CREB1: variants seen among roughly 807,000 people sequenced by gnomAD.
CREB1 encodes the protein cyclic AMP-responsive element-binding protein 1.
CREB1 carries 2 observed loss-of-function variants against 42.0 expected under a neutral mutation model. The observed-to-expected ratio is 0.05, with a 90% CI of 0.02 to 0.15. The LOEUF (loss-of-function observed/expected upper bound fraction) is 0.15. CREB1 is among the 10% of genes least tolerant of loss of function. CREB1 has a pLI of 1.00. For missense variants in CREB1, 199 were observed against 388.9 expected (o/e 0.51, Z 4.11); for synonymous variants, 123 against 139.9 (o/e 0.88, Z 0.85).
intron 1 of CREB1, among the ~76,000 whole-genome samples, chr2:207,537,961 T>A (rs2080942473): frequency 6.6e-6 from 1 of 152,214 alleles, no homozygotes; most frequent in Non-Finnish European, 1.5e-5. Context: ...ATCTTGGGGA[T>A]GGGACCCAAG....
At chr2:207,541,144 C>G (rs2081084166) in intron 1 of CREB1, among the ~76,000 whole-genome samples, 1 of 151,844 alleles carries the variant, frequency 6.6e-6, no homozygotes, top group Non-Finnish European at 1.5e-5. Context: ...AGCTTGAACC[C>G]ACAGGTGGAG....
intron 1 of CREB1, among the ~76,000 whole-genome samples, chr2:207,537,005 C>G (rs1424550966): frequency 6.6e-6 from 1 of 151,390 alleles, no homozygotes. Context: ...TAAAATATTA[C>G]TGTGTGCTAT....
chr2:207,540,676 A>AGT (rs1394244220), intron 1 of CREB1, among the ~76,000 whole-genome samples: 57 of 145,122 alleles, frequency 3.9e-4, no homozygotes, highest in African/African-American at 1.3e-3. Flanking sequence ...AAGTAAAAAA[A>AGT]AAAAAAAAAA....
intron 5 of CREB1, among the ~76,000 whole-genome samples, chr2:207,574,634 G>GT (rs938081518): frequency 5.3e-5 from 8 of 151,960 alleles, no homozygotes; most frequent in Non-Finnish European, 1.2e-4. Flanking sequence ...GACAGTTAAA[G>GT]TTTTTTTTCT....
At chr2:207,570,086 C>A in intron 4 of CREB1, 93 bp from the exon 5 acceptor site, 3 of 773,604 alleles carry the variant, frequency 3.9e-6, no homozygotes, top group South Asian at 2.2e-5. Flanking sequence ...GCACTAGCAG[C>A]TTTCTGTGAG....
Position 207,570,208 on chromosome 2 carries a change from C to T in CREB1, c.392C>T (p.Ala131Val). The T allele has an allele frequency of 6.2e-7, 1 of 1,612,638 alleles. No homozygotes were observed. The highest frequency in any genetic ancestry group is 1.1e-5 in the South Asian group (1 of 90,834). Reference sequence around the variant, plus strand: ...ATTTTGAATGACTTATCTTCTGATGCACCAGGAGTGCCAAGGATTGAAGAA... The same window carrying T: ...ATTTTGAATGACTTATCTTCTGATGTACCAGGAGTGCCAAGGATTGAAGAA... ...RKILNDLSSD[A>V]PGVPRIEEEK... The change falls in exon 5 of 8, where the codon GCA becomes GTA. Residue 131 changes from alanine to valine, a missense_variant. Ala to Val is a moderately conservative substitution (Grantham distance 64). Coordinates refer to ENST00000353267, the MANE Select transcript of CREB1 (RefSeq NM_004379.5).
intron 1 of CREB1, among the ~76,000 whole-genome samples, chr2:207,552,746 C>T (rs2081561910): frequency 6.6e-6 from 1 of 151,848 alleles, no homozygotes; most frequent in African/African-American, 2.4e-5. Context: ...TCCCAAGTAG[C>T]TGGGATTACA....
intron 1 of CREB1, among the ~76,000 whole-genome samples, chr2:207,533,113 A>G (rs1315744020): frequency 6.6e-6 from 1 of 151,512 alleles, no homozygotes; most frequent in African/African-American, 2.4e-5. Flanking sequence ...GAACACCTAC[A>G]TTTAGAAAGC....
intron 7 of CREB1, among the ~76,000 whole-genome samples, chr2:207,580,266 T>G (rs1418941013): frequency 6.6e-6 from 1 of 152,156 alleles, no homozygotes; most frequent in Non-Finnish European, 1.5e-5. Context: ...CTTCACTGAT[T>G]CCAGTATGCA....
At chr2:207,554,990 G>C (rs1184096670) in intron 1 of CREB1, among the ~76,000 whole-genome samples, 1 of 152,122 alleles carries the variant, frequency 6.6e-6, no homozygotes, top group Non-Finnish European at 1.5e-5. Context: ...GATCACTTGA[G>C]CCCAGGAGTT....
chr2:207,582,889 TC>T, intron 7 of CREB1: 1 of 300,172 alleles, frequency 3.3e-6, no homozygotes, highest in Non-Finnish European at 6.6e-6. Context: ...AGACTCTGTC[TC>T]AAAAAAACAA....
intron 1 of CREB1, among the ~76,000 whole-genome samples, chr2:207,551,430 G>C (rs1401325846): frequency 6.6e-6 from 1 of 152,142 alleles, no homozygotes; most frequent in Non-Finnish European, 1.5e-5. Context: ...TCTAACGACA[G>C]TTATGACCAG....
At chr2:207,563,580 T>C (rs1282595253) in intron 3 of CREB1, among the ~76,000 whole-genome samples, 1 of 152,236 alleles carries the variant, frequency 6.6e-6, no homozygotes, top group Non-Finnish European at 1.5e-5. Flanking sequence ...TCTTTTTCAA[T>C]GCCAGCAGTT....
chr2:207,588,110 C>A (rs2084227467), intron 7 of CREB1, among the ~76,000 whole-genome samples: 1 of 143,212 alleles, frequency 7.0e-6, no homozygotes, highest in Admixed American at 7.3e-5. Context: ...AAAAAGAATT[C>A]TTTGCCTAAA....
At chr2:207,579,728 C>A (rs2082771598) in intron 7 of CREB1, among the ~76,000 whole-genome samples, 1 of 152,170 alleles carries the variant, frequency 6.6e-6, no homozygotes, top group Non-Finnish European at 1.5e-5. Context: ...CCCTTTGTTA[C>A]CAGATTACTG....
intron 3 of CREB1, among the ~76,000 whole-genome samples, chr2:207,563,803 G>T (rs1299738083): frequency 2.0e-5 from 3 of 152,112 alleles, no homozygotes; most frequent in South Asian, 2.1e-4. Context: ...AATTAGCCAG[G>T]CGTGGTGGTA....
chr2:207,557,112 G>A (rs998958258), intron 2 of CREB1, among the ~76,000 whole-genome samples: 11 of 151,876 alleles, frequency 7.2e-5, no homozygotes, highest in Middle Eastern at 3.4e-3. Context: ...CATTCCAGCC[G>A]GGGTGACAGA....
intron 7 of CREB1, among the ~76,000 whole-genome samples, chr2:207,588,245 A>AT (rs1357240232): frequency 1.3e-5 from 2 of 152,088 alleles, no homozygotes; most frequent in African/African-American, 4.8e-5. Context: ...GTCGAGATCC[A>AT]TTTTTTTATA....
intron 6 of CREB1, among the ~76,000 whole-genome samples, chr2:207,575,837 TTTG>T (rs1213992245): frequency 7.2e-5 from 11 of 151,798 alleles, no homozygotes; most frequent in East Asian, 3.9e-4. Context: ...TGTTTTGTTT[TTTG>T]TTGTTGTTGT....
Sources: gnomAD v4.1 joint callset for allele counts (sites outside exome capture counted in the v4.1 genomes callset) on GRCh38, gnomAD v4.1.1 for gene constraint, MANE v1.5 for transcripts, NCBI Gene and HGNC (gene_info 2026-07-23, HGNC 2026-07-21) for gene names.